SPEN: variants seen among roughly 807,000 people sequenced by gnomAD.
The protein encoded by SPEN is msx2-interacting protein.
In SPEN, 18 loss-of-function variants were observed where a neutral mutation model predicts 269.9. The observed-to-expected ratio is 0.07, with a 90% confidence interval of 0.05 to 0.10. The LOEUF (loss-of-function observed/expected upper bound fraction) is 0.10. Among genes scored for constraint, SPEN ranks in the 10% least tolerant of loss-of-function variants. The pLI is 1.00. For missense variants in SPEN, 3,822 were observed against 4,631.2 expected (o/e 0.83, Z 5.07); for synonymous variants, 1,726 against 1,765.7 (o/e 0.98, Z 0.56).
At chr1:15,856,613 G>T (rs1168734357) in intron 1 of SPEN, among the ~76,000 whole-genome samples, 1 of 145,608 alleles carries the variant, frequency 6.9e-6, no homozygotes, top group Non-Finnish European at 1.5e-5. Flanking sequence ...TGTCACCCAG[G>T]CTGGAGTGCA....
chr1:15,873,362 A>T lies in SPEN; in HGVS notation c.404+226A>T, dbSNP rs2070600782. 7.3e-6 allele frequency: 9 copies of T among 1,235,564 alleles called. No individual in the cohort carries two copies. The South Asian group carries it at 2.9e-4, about 40-fold the overall frequency. The allele number at this position is 1,235,564 out of a possible 1,614,324, so 76.5% of individuals were successfully genotyped here. A position where few individuals can be genotyped will look rare whatever the true frequency, so the allele number is the denominator to read the frequency against. On this transcript the variant is annotated intron_variant, in intron 2 of 14. Coordinates refer to ENST00000375759, the MANE Select transcript of SPEN (RefSeq NM_015001.3). ...ATATCTGTTCCTGAGATATAATGTGATGGAAGATTTCCTATGGAAGCTTCA... is the reference window on the plus strand; with the variant it reads ...ATATCTGTTCCTGAGATATAATGTGTTGGAAGATTTCCTATGGAAGCTTCA...
intron 3 of SPEN, among the ~76,000 whole-genome samples, chr1:15,886,955 G>A (rs561689449): frequency 6.6e-6 from 1 of 152,314 alleles, no homozygotes; most frequent in South Asian, 2.1e-4. Context: ...ATGATGTCTT[G>A]TGGGTTTTAA....
chr1:15,861,630 G>A (rs1194666880), intron 1 of SPEN, among the ~76,000 whole-genome samples: 1 of 152,000 alleles, frequency 6.6e-6, no homozygotes, highest in East Asian at 1.9e-4. Context: ...TCCATTCCCA[G>A]CAAGGACTCT....
chr1:15,939,948 C>G lies in SPEN; in HGVS notation c.*521C>G. On this transcript the variant is annotated 3_prime_UTR_variant, in exon 15 of 15. Coordinates refer to ENST00000375759, the MANE Select transcript of SPEN (RefSeq NM_015001.3). This position sits in a 1 kb window ranked among gnomAD's most constrained non-coding sequence, Gnocchi z 4.1. ...ATTTCATTGGTTTTTTTTGTCCACC[C>G]CCATCTCCCTTGCTCATTTGGATGC... 1 of 233,070 alleles carries G rather than the reference C, an allele frequency of 4.3e-6. No homozygotes were observed. Among genetic ancestry groups the G allele is most frequent in the East Asian group, 6.0e-5 (1 of 16,532 alleles). 14.4% of individuals were successfully genotyped at this position (233,070 alleles called of 1,614,324 possible).
Position 15,934,144 on chromosome 1 carries a change from A to G in SPEN, c.7904A>G (p.Gln2635Arg), listed in dbSNP as rs1352968596. ...GTCAGCATTGACCTGGAAAATTCACAGAAGATAACCTTGGCAAAACCAGCT... is the reference window on the plus strand; with the variant it reads ...GTCAGCATTGACCTGGAAAATTCACGGAAGATAACCTTGGCAAAACCAGCT... ...MPVSIDLENS[Q>R]KITLAKPAPQ... Residue 2635 changes from glutamine to arginine, a missense_variant, in exon 11 of 15, where the codon CAG (glutamine) becomes CGG (arginine). Gln to Arg is a conservative substitution (Grantham distance 43). Around this residue, in one of 16 missense-constraint regions of SPEN, gnomAD observed 329 missense variants for 431.2 expected, o/e 0.76. Transcript: ENST00000375759. This position sits in a 1 kb window ranked among gnomAD's most constrained non-coding sequence, Gnocchi z 9.2. 1.9e-6 allele frequency: 3 copies of G among 1,614,202 alleles called. No individual in the cohort carries two copies. The highest frequency in any genetic ancestry group is 2.5e-6 in the Non-Finnish European group (3 of 1,180,026).
rs767132556 is a variant in SPEN at position 15,934,688 on chromosome 1, C to T, written c.8448C>T (p.Leu2816=). ...LRVNTSEGVV[L]LSYSGQKTEG... ...TGAACACTTCTGAAGGGGTTGTGCTCCTGAGTTACTCAGGGCAGAAGACCG... is the reference window on the plus strand; with the variant it reads ...TGAACACTTCTGAAGGGGTTGTGCTTCTGAGTTACTCAGGGCAGAAGACCG... Residue 2816 remains leucine, a synonymous_variant, in exon 11 of 15, where the codon CTC becomes CTT. Coordinates refer to ENST00000375759, the MANE Select transcript of SPEN (RefSeq NM_015001.3). The surrounding 1 kb of genome is among the most constrained non-coding windows in gnomAD (Gnocchi z 9.2). The T allele has an allele frequency of 5.0e-6, 8 of 1,614,190 alleles. No homozygotes were observed. Among genetic ancestry groups the T allele is most frequent in the South Asian group, 1.1e-5 (1 of 91,084 alleles).
intron 1 of SPEN, among the ~76,000 whole-genome samples, chr1:15,859,353 C>CTTT (rs1272953375): frequency 3.8e-5 from 4 of 105,194 alleles, no homozygotes; most frequent in African/African-American, 1.6e-4. Flanking sequence ...TTTTCTTTTT[C>CTTT]TTTTCTTTTT....
chr1:15,873,964 G>A, intron 2 of SPEN: 1 of 1,196,110 alleles, frequency 8.4e-7, no homozygotes, highest in Admixed American at 3.6e-5. Flanking sequence ...GTGATGATCA[G>A]TTGTGGATAC....
At chr1:15,850,165 G>A (rs1022271402) in intron 1 of SPEN, among the ~76,000 whole-genome samples, 4 of 152,138 alleles carry the variant, frequency 2.6e-5, no homozygotes, top group Non-Finnish European at 5.9e-5. Context: ...GGAATCAGCA[G>A]AGCCGATCTC....
chr1:15,861,019 C>A (rs539262651), intron 1 of SPEN, among the ~76,000 whole-genome samples: 4 of 152,134 alleles, frequency 2.6e-5, no homozygotes, highest in Admixed American at 2.6e-4. Context: ...ATTCTGCCAC[C>A]TCAGCCTCCC....
chr1:15,911,932 G>T (rs2148729636), intron 5 of SPEN, among the ~76,000 whole-genome samples: 1 of 152,312 alleles, frequency 6.6e-6, no homozygotes, highest in African/African-American at 2.4e-5. Context: ...CTGCACTCCA[G>T]CCTGGGCAAC....
chr1:15,876,351 C>A lies in SPEN; in HGVS notation c.554C>A (p.Ala185Asp). ...ACTTTACAACATGGGCTCTATTACG[C>A]TTCTCGGAGTCGAAGTCCAAATCGC... ...ERTLQHGLYY[A>D]SRSRSPNRFD... is the part of the protein sequence containing the mutation. Residue 185 changes from alanine (A) to aspartate (D), a missense_variant, in exon 3 of 15, where the codon GCT (alanine) becomes GAT (aspartate). Ala to Asp is a moderately radical substitution (Grantham distance 126). Coordinates refer to ENST00000375759, the MANE Select transcript of SPEN (RefSeq NM_015001.3). 1 of 1,614,116 alleles carries A rather than the reference C, an allele frequency of 6.2e-7. No homozygotes were observed. The highest frequency in any genetic ancestry group is 2.2e-5 in the East Asian group (1 of 44,888).
At chr1:15,849,466 C>T (rs1008586529) in intron 1 of SPEN, among the ~76,000 whole-genome samples, 1 of 152,238 alleles carries the variant, frequency 6.6e-6, no homozygotes, top group Non-Finnish European at 1.5e-5. Context: ...GCCGCTGGAG[C>T]GCGCGTCTGC....
chr1:15,857,641 G>T (rs2070400618), intron 1 of SPEN, among the ~76,000 whole-genome samples: 1 of 151,966 alleles, frequency 6.6e-6, no homozygotes, highest in Admixed American at 6.6e-5. Context: ...ACAGGCGTGA[G>T]CCACCGTGCC....
At chr1:15,883,985 A>G (rs1211041905) in intron 3 of SPEN, among the ~76,000 whole-genome samples, 1 of 151,404 alleles carries the variant, frequency 6.6e-6, no homozygotes, top group African/African-American at 2.4e-5. Context: ...AATTTTTTGT[A>G]TTTTTAGTAG....
chr1:15,880,127 A>C (rs1186538009), intron 3 of SPEN, among the ~76,000 whole-genome samples: 1 of 152,152 alleles, frequency 6.6e-6, no homozygotes, highest in African/African-American at 2.4e-5. Flanking sequence ...CAAGGAAGTA[A>C]GGCATACTGA....
intron 2 of SPEN, chr1:15,873,339 ATC>A: frequency 2.0e-6 from 2 of 985,382 alleles, no homozygotes; most frequent in Non-Finnish European, 2.4e-6. Context: ...CTGATTGGAT[ATC>A]TGTTCCTGAG....
chr1:15,888,727 G>T (rs969150852), intron 3 of SPEN, among the ~76,000 whole-genome samples: 1 of 151,780 alleles, frequency 6.6e-6, no homozygotes, highest in African/African-American at 2.4e-5. Flanking sequence ...CCACCTTCTG[G>T]GTTCAAGTGA....
At chr1:15,904,319 A>C (rs2070931133) in intron 3 of SPEN, among the ~76,000 whole-genome samples, 1 of 152,068 alleles carries the variant, frequency 6.6e-6, no homozygotes, top group Middle Eastern at 3.2e-3. Context: ...CTCTACTAAA[A>C]ATACAAAATC....
Sources: allele counts gnomAD v4.1 joint callset (sites outside exome capture counted in the v4.1 genomes callset), GRCh38; gene constraint gnomAD v4.1.1; regional missense constraint gnomAD v4.1.1; non-coding constraint Gnocchi (gnomAD v3.1); transcripts MANE v1.5; gene names NCBI Gene and HGNC (gene_info 2026-07-23, HGNC 2026-07-21).